ARHGAP20: variants seen among roughly 807,000 people sequenced by gnomAD.
ARHGAP20 encodes the protein rho GTPase-activating protein 20.
A neutral mutation model predicts 73.7 loss-of-function variants in ARHGAP20; 34 were observed. That is an observed-to-expected ratio of 0.46 (90% CI 0.35 to 0.61). The LOEUF (loss-of-function observed/expected upper bound fraction) is 0.61. ARHGAP20 is among the 20% of genes least tolerant of loss of function. The pLI, the probability that ARHGAP20 is intolerant of heterozygous loss-of-function variation, is 0.00. For synonymous variants in ARHGAP20, 523 were observed against 518.2 expected (o/e 1.01, Z -0.13); for missense variants, 1,314 against 1,420.9 (o/e 0.92, Z 1.21).
At chr11:110,647,826 A>C (rs937306407) in intron 2 of ARHGAP20, among the ~76,000 whole-genome samples, 2 of 152,044 alleles carry the variant, frequency 1.3e-5, no homozygotes, top group African/African-American at 4.8e-5. Flanking sequence ...CATAACTAGA[A>C]TAGGCATTCT....
intron 2 of ARHGAP20, among the ~76,000 whole-genome samples, chr11:110,671,518 TAA>T (rs1054159375): frequency 1.3e-5 from 2 of 151,976 alleles, no homozygotes; most frequent in Non-Finnish European, 2.9e-5. Context: ...GCGAAGGAAA[TAA>T]AAATCAAACA....
intron 13 of ARHGAP20, 36 bp from the exon 14 acceptor site, chr11:110,582,471 A>G (rs1365288143): frequency 1.5e-6 from 2 of 1,308,018 alleles, no homozygotes; most frequent in South Asian, 1.2e-5. Flanking sequence ...ATTACTTTTC[A>G]TATTACATGT....
intron 2 of ARHGAP20, among the ~76,000 whole-genome samples, chr11:110,648,017 A>G (rs534699572): frequency 3.0e-4 from 45 of 151,748 alleles, no homozygotes; most frequent in African/African-American, 1.0e-3. Context: ...TCAGTTTTCA[A>G]AAAGAATGTT....
At chr11:110,600,312 T>C (rs1228745488) in intron 9 of ARHGAP20, among the ~76,000 whole-genome samples, 1 of 152,214 alleles carries the variant, frequency 6.6e-6, no homozygotes, top group African/African-American at 2.4e-5. Flanking sequence ...CTGCAGTTCC[T>C]GGCATCTCCA....
intron 2 of ARHGAP20, among the ~76,000 whole-genome samples, chr11:110,674,697 C>T (rs1241954859): frequency 6.6e-6 from 1 of 151,878 alleles, no homozygotes; most frequent in African/African-American, 2.4e-5. Context: ...ACTTCTGGTC[C>T]CAAGCATTTT....
At chr11:110,657,161 A>C (rs1307158462) in intron 2 of ARHGAP20, among the ~76,000 whole-genome samples, 1 of 152,210 alleles carries the variant, frequency 6.6e-6, no homozygotes, top group Non-Finnish European at 1.5e-5. Flanking sequence ...TAAGGAAAGC[A>C]GCAGTTTTTA....
rs1396114651 is a variant in ARHGAP20, at chr11:110,577,972, G to C, written c.*1398C>G. ...TTGTGAGAGAAAGGTCCATCTGATGGTGAACTAAAGAGTTTAAATAAATGG... is the reference window on the plus strand; with the variant it reads ...TTGTGAGAGAAAGGTCCATCTGATGCTGAACTAAAGAGTTTAAATAAATGG... On this transcript the variant is annotated 3_prime_UTR_variant, in exon 15 of 15. Coordinates refer to ENST00000683387, the MANE Select transcript of ARHGAP20 (RefSeq NM_001384657.1). The C allele has an allele frequency of 5.6e-5, 55 of 985,246 alleles. No individual in the cohort carries two copies. The highest frequency in any genetic ancestry group is 6.6e-5 in the Non-Finnish European group (55 of 829,832). The allele number at this position is 985,246 out of a possible 1,614,324, so 61.0% of individuals were successfully genotyped here. A position where few individuals can be genotyped will look rare whatever the true frequency, so the allele number is the denominator to read the frequency against.
intron 2 of ARHGAP20, among the ~76,000 whole-genome samples, chr11:110,649,108 G>A (rs1392476418): frequency 6.8e-6 from 1 of 147,180 alleles, no homozygotes; most frequent in Non-Finnish European, 1.5e-5. Context: ...CAAAAATAAA[G>A]ACAAGTCTTA....
chr11:110,611,255 A>G, intron 7 of ARHGAP20, 54 bp downstream of exon 7: 1 of 1,206,140 alleles, frequency 8.3e-7, no homozygotes, highest in Non-Finnish European at 1.2e-6. Context: ...ACTTACATAA[A>G]TTTAAATAAT....
chr11:110,655,302 T>C (rs1949441176), intron 2 of ARHGAP20, among the ~76,000 whole-genome samples: 1 of 152,114 alleles, frequency 6.6e-6, no homozygotes, highest in African/African-American at 2.4e-5. Context: ...CTAAGTATAG[T>C]AGGAAGAGTC....
Position 110,630,777 on chromosome 11 carries a change from A to G in ARHGAP20, c.204T>C (p.Ala68=). The change falls in exon 3 of 15, where the codon GCT becomes GCC. Residue 68 remains alanine, a synonymous_variant. Coordinates refer to ENST00000683387, the MANE Select transcript of ARHGAP20 (RefSeq NM_001384657.1). ...KRPTTRDSPS[A]SVDTCTFLSS... is the part of the protein sequence containing the mutation. ...ACAGAAATGTGCATGTGTCAACACT[A>G]GCAGAAGGACTGTCCCTGTAACAGA... is the stretch of plus-strand genomic sequence containing the variant. The G allele has an allele frequency of 6.2e-7, 1 of 1,614,006 alleles. No homozygotes were observed. Among genetic ancestry groups the G allele is most frequent in the Non-Finnish European group, 8.5e-7 (1 of 1,179,912 alleles).
chr11:110,586,901 G>T (rs530119261), intron 11 of ARHGAP20, among the ~76,000 whole-genome samples: 64 of 151,956 alleles, frequency 4.2e-4, no homozygotes, highest in African/African-American at 1.5e-3. Context: ...ATTCCCTGTA[G>T]AAAGGCTCTC....
At chr11:110,630,860 T>A (rs747685644) in intron 2 of ARHGAP20, 68 bp from the exon 3 acceptor site, 151 of 1,523,596 alleles carry the variant, frequency 9.9e-5, no homozygotes, top group Non-Finnish European at 1.3e-4. Flanking sequence ...ACTACAAAAT[T>A]CTGTAATTTT....
intron 12 of ARHGAP20, among the ~76,000 whole-genome samples, chr11:110,585,914 G>A (rs112690417): frequency 0.022 from 3,403 of 152,214 alleles, 111 homozygotes; most frequent in African/African-American, 0.072. Flanking sequence ...TATATGATGA[G>A]TTGTCTGGTT....
chr11:110,688,662 C>A (rs1395851676), intron 2 of ARHGAP20, among the ~76,000 whole-genome samples: 1 of 152,132 alleles, frequency 6.6e-6, no homozygotes, highest in Non-Finnish European at 1.5e-5. Context: ...TGTGAAGATA[C>A]AACCATTCTC....
chr11:110,580,277 G>T lies in ARHGAP20; in HGVS notation c.2669C>A (p.Ser890Tyr), dbSNP rs371299206. The T allele has an allele frequency of 2.5e-6, 4 of 1,614,116 alleles. No homozygotes were observed. The East Asian group carries it at 6.7e-5, about 27-fold the overall frequency. ...GEEDYLKRHK[S>Y]LQMEGQKLIN... ...GAGCTTCTGCCCCTCCATTTGCAAA[G>T]ACTTATGCCGTTTGAGATAATCCTC... is the stretch of plus-strand genomic sequence containing the variant. The change falls in exon 15 of 15, where the codon TCT becomes TAT. Residue 890 changes from serine (S) to tyrosine (Y), a missense_variant. By Grantham distance (144) the Ser-to-Tyr change is moderately radical. Transcript: ENST00000683387.
chr11:110,647,002 A>G lies in ARHGAP20; in HGVS notation c.189-16210T>C, dbSNP rs1364034895. Among the ~76,000 whole-genome samples the G allele has an allele frequency of 3.9e-5, 6 of 152,314 alleles. No individual in the cohort carries two copies. The Middle Eastern group carries it at 0.01, about 259-fold the overall frequency. Reference sequence around the variant, plus strand: ...ATAAGTTGGCTAAAATTTCTTAAATAAAAATTTACTGGAGGCTTTTTGCAA... The same window carrying G: ...ATAAGTTGGCTAAAATTTCTTAAATGAAAATTTACTGGAGGCTTTTTGCAA... On this transcript the variant is annotated intron_variant, in intron 2 of 14. Coordinates refer to ENST00000683387, the MANE Select transcript of ARHGAP20 (RefSeq NM_001384657.1).
chr11:110,690,716 T>G, intron 1 of ARHGAP20, 87 bp from the exon 2 acceptor site: 2 of 1,287,410 alleles, frequency 1.6e-6, no homozygotes, highest in Non-Finnish European at 2.2e-6. Flanking sequence ...TTTAACAAGT[T>G]TTGCATTGCC....
At chr11:110,697,355 T>C (rs1758999493) in intron 1 of ARHGAP20, among the ~76,000 whole-genome samples, 1 of 151,824 alleles carries the variant, frequency 6.6e-6, no homozygotes, top group African/African-American at 2.4e-5. Context: ...CATTTTTTCA[T>C]GTGCTTTTTG....
Sources: gnomAD v4.1 joint callset for allele counts (sites outside exome capture counted in the v4.1 genomes callset) on GRCh38, gnomAD v4.1.1 for gene constraint, MANE v1.5 for transcripts, NCBI Gene and HGNC (gene_info 2026-07-23, HGNC 2026-07-21) for gene names.